ICA1: variants seen among roughly 807,000 people sequenced by gnomAD.
The protein encoded by ICA1 is 69 kDa islet cell autoantigen.
ICA1 carries 40 observed loss-of-function variants against 71.0 expected under a neutral mutation model. The ratio of observed to expected loss-of-function variants is 0.56; its 90% CI spans 0.44 to 0.73. ICA1 has a LOEUF of 0.73. Ranked by LOEUF, ICA1 falls within the 30% of genes least tolerant of loss-of-function variation. The probability of loss-of-function intolerance (pLI) is 0.00; values close to 1 mark genes in which losing one functional copy is unlikely to be tolerated. For synonymous variants in ICA1, 207 were observed against 209.5 expected, an observed-to-expected ratio of 0.99 and a Z score of 0.10; for missense variants, 578 against 576.5, an observed-to-expected ratio of 1.00 and a Z score of -0.03.
intron 13 of ICA1, among the ~76,000 whole-genome samples, chr7:8,116,836 C>A (rs1458715354): frequency 1.3e-5 from 2 of 152,194 alleles, no homozygotes; most frequent in Admixed American, 1.3e-4. Context: ...AAGTAAATAA[C>A]AGTCCAGTCC....
chr7:8,184,022 A>G (rs1783106536), intron 6 of ICA1, among the ~76,000 whole-genome samples: 1 of 152,248 alleles, frequency 6.6e-6, no homozygotes, highest in South Asian at 2.1e-4. Context: ...ACTAACATAG[A>G]AAGTTACCTA....
chr7:8,221,433 A>G, intron 4 of ICA1, 35 bp from the exon 5 acceptor site: 1 of 1,610,240 alleles, frequency 6.2e-7, no homozygotes. Context: ...GCCATGAACA[A>G]TGAGCATTTT....
At chr7:8,205,179 G>C (rs1791084115) in intron 6 of ICA1, among the ~76,000 whole-genome samples, 1 of 151,850 alleles carries the variant, frequency 6.6e-6, no homozygotes, top group Non-Finnish European at 1.5e-5. Flanking sequence ...ACCAATAAAA[G>C]CTTTAGCTGA....
Position 8,218,507 on chromosome 7 carries a change from G to C in ICA1, c.381-4C>G, listed in dbSNP as rs369849796. ...CAAAGGATTTCGTAAGGCCAACCTA[G>C]ACAAGAGGACAAAGCCACACTCTCA... On this transcript the variant is annotated splice_polypyrimidine_tract_variant and splice_region_variant and intron_variant, in intron 5 of 13. Coordinates refer to ENST00000402384, the MANE Select transcript of ICA1 (RefSeq NM_001136020.3). 6.2e-7 allele frequency: 1 copy of C among 1,613,598 alleles called. No individual in the cohort carries two copies. The highest frequency in any genetic ancestry group is 8.5e-7 in the Non-Finnish European group (1 of 1,179,624).
At chr7:8,155,843 A>C (rs78393208) in intron 8 of ICA1, among the ~76,000 whole-genome samples, 6,567 of 152,286 alleles carry the variant, frequency 0.043, 164 homozygotes, top group Non-Finnish European at 0.051. Context: ...AGCCCCTACC[A>C]ACAACGGTAA....
At chr7:8,133,114 G>A (rs1272660482) in intron 12 of ICA1, among the ~76,000 whole-genome samples, 1 of 152,132 alleles carries the variant, frequency 6.6e-6, no homozygotes, top group South Asian at 2.1e-4. Flanking sequence ...TCATGGGAGT[G>A]GGATTGGTAG....
At chr7:8,166,747 C>A (rs367716493) in intron 6 of ICA1, among the ~76,000 whole-genome samples, 1 of 151,996 alleles carries the variant, frequency 6.6e-6, no homozygotes, top group Non-Finnish European at 1.5e-5. Context: ...ATGTATCTGG[C>A]AAGGGTCTAA....
intron 1 of ICA1, among the ~76,000 whole-genome samples, chr7:8,239,407 A>G (rs1211649687): frequency 6.6e-6 from 1 of 152,212 alleles, no homozygotes; most frequent in Non-Finnish European, 1.5e-5. Context: ...GCTCTGTCCA[A>G]TAGAAATAGA....
chr7:8,218,823 G>A, intron 5 of ICA1: 1 of 402,904 alleles, frequency 2.5e-6, no homozygotes, highest in Non-Finnish European at 4.7e-6. Flanking sequence ...CCGTGTTCAT[G>A]GAGGATGGCC....
intron 8 of ICA1, among the ~76,000 whole-genome samples, chr7:8,154,124 C>G (rs543670318): frequency 6.6e-6 from 1 of 151,902 alleles, no homozygotes; most frequent in African/African-American, 2.4e-5. Context: ...TTATATTAGG[C>G]TTGGGTAAAA....
At chr7:8,261,348 G>A (rs899960404) in intron 1 of ICA1, among the ~76,000 whole-genome samples, 1 of 152,156 alleles carries the variant, frequency 6.6e-6, no homozygotes, top group Admixed American at 6.5e-5. Flanking sequence ...GGGAAAGGCA[G>A]ACATAACAAC....
chr7:8,122,012 AG>A (rs1417426856), intron 13 of ICA1, among the ~76,000 whole-genome samples: 1 of 152,088 alleles, frequency 6.6e-6, no homozygotes, highest in Admixed American at 6.5e-5. Flanking sequence ...ACTGCTGGGG[AG>A]GGGGGACTCA....
At chr7:8,163,521 T>C (rs778677613) in intron 6 of ICA1, among the ~76,000 whole-genome samples, 10 of 152,214 alleles carry the variant, frequency 6.6e-5, no homozygotes, top group Non-Finnish European at 1.3e-4. Flanking sequence ...ATTGGGTATA[T>C]TTCAGATCAG....
At chr7:8,233,459 T>G (rs1284187795) in intron 2 of ICA1, among the ~76,000 whole-genome samples, 1 of 151,552 alleles carries the variant, frequency 6.6e-6, no homozygotes, top group East Asian at 1.9e-4. Context: ...AGTGGCGTGA[T>G]CTCAGCTCAC....
chr7:8,190,920 T>A (rs1785373482), intron 6 of ICA1, among the ~76,000 whole-genome samples: 1 of 152,210 alleles, frequency 6.6e-6, no homozygotes, highest in South Asian at 2.1e-4. Flanking sequence ...TTAAACATTC[T>A]GGAAAGTTAA....
chr7:8,190,499 T>C (rs1452927815), intron 6 of ICA1, among the ~76,000 whole-genome samples: 2 of 152,230 alleles, frequency 1.3e-5, no homozygotes, highest in Non-Finnish European at 2.9e-5. Flanking sequence ...TTAGCTCTTC[T>C]GGACTTAATG....
At chr7:8,177,537 A>G (rs1392557574) in intron 6 of ICA1, among the ~76,000 whole-genome samples, 1 of 152,064 alleles carries the variant, frequency 6.6e-6, no homozygotes. Context: ...TTTTTATCCC[A>G]TTGGTATTTC....
chr7:8,157,310 T>C (rs1801973762), intron 7 of ICA1, 96 bp from the exon 8 acceptor site: 1 of 1,169,628 alleles, frequency 8.5e-7, no homozygotes, highest in Non-Finnish European at 1.2e-6. Context: ...TTGAAGATTC[T>C]TTAAAGCATG....
intron 6 of ICA1, among the ~76,000 whole-genome samples, chr7:8,210,895 A>T (rs899363608): frequency 6.6e-6 from 1 of 152,060 alleles, no homozygotes; most frequent in Admixed American, 6.5e-5. Context: ...TTAAAGCAAA[A>T]TGTTCAAGGG....
Sources: allele counts gnomAD v4.1 joint callset (sites outside exome capture counted in the v4.1 genomes callset), GRCh38; gene constraint gnomAD v4.1.1; transcripts MANE v1.5; gene names NCBI Gene and HGNC (gene_info 2026-07-23, HGNC 2026-07-21).